PRKCB: variants seen among roughly 807,000 people sequenced by gnomAD.
PRKCB encodes the protein protein kinase C beta type.
A neutral mutation model predicts 81.5 loss-of-function variants in PRKCB; 13 were observed. That is an observed-to-expected ratio of 0.16 (90% CI 0.10 to 0.25). The LOEUF (loss-of-function observed/expected upper bound fraction) is 0.25. Among genes scored for constraint, PRKCB ranks in the 10% least tolerant of loss-of-function variants. The pLI, the probability that PRKCB is intolerant of heterozygous loss-of-function variation, is 1.00. For missense variants in PRKCB, 509 were observed against 875.7 expected, an observed-to-expected ratio of 0.58 and a Z score of 5.29; for synonymous variants, 335 against 321.4, an observed-to-expected ratio of 1.04 and a Z score of -0.45.
Position 24,045,253 on chromosome 16 carries a change from T to C in PRKCB, c.529+9706T>C, listed in dbSNP as rs138593582. 5.9e-5 allele frequency among the ~76,000 whole-genome samples: 9 copies of C among 152,054 alleles called. No homozygotes were observed. The East Asian group carries it at 1.5e-3, about 26-fold the overall frequency. On this transcript the variant is annotated intron_variant, in intron 5 of 16. Transcript: ENST00000643927. ...TGGTTGCTTGAGGAGGGTTGTTGGG[T>C]GGTTCTCAGCTTGAGCAGAGCTGGG...
chr16:24,195,402 A>G (rs80338472), intron 16 of PRKCB, among the ~76,000 whole-genome samples: 3 of 152,002 alleles, frequency 2.0e-5, no homozygotes, highest in Non-Finnish European at 4.4e-5. Flanking sequence ...GCCTTGTGGG[A>G]TGTGAAAAGG....
chr16:23,903,539 A>G (rs1406196051), intron 2 of PRKCB, among the ~76,000 whole-genome samples: 1 of 152,198 alleles, frequency 6.6e-6, no homozygotes, highest in Non-Finnish European at 1.5e-5. Flanking sequence ...GAGAAAGTAA[A>G]TGATTTCTAC....
Position 23,859,782 on chromosome 16 carries a change from AG to A in PRKCB, c.205+22378del, listed in dbSNP as rs112604818. Among the ~76,000 whole-genome samples the A allele has an allele frequency of 9.4e-3, 1,423 of 152,170 alleles. 23 individuals carry two copies. The highest frequency in any genetic ancestry group is 0.033 in the African/African-American group (1,359 of 41,504). On this transcript the variant is annotated intron_variant, in intron 2 of 16. Transcript: ENST00000643927. The stretch of plus-strand genomic sequence containing the variant: ...AATTTGGAGGAGGCAGAGAAAAGGC[AG>A]GAAACTTTAAAAGCAGGAGAGAAAG...
At chr16:23,847,780 T>C (rs527355805) in intron 2 of PRKCB, among the ~76,000 whole-genome samples, 1 of 152,340 alleles carries the variant, frequency 6.6e-6, no homozygotes, top group African/African-American at 2.4e-5. Flanking sequence ...GGTTGCCATA[T>C]GGGCTTTGAA....
chr16:23,941,394 T>A (rs1964139206), intron 2 of PRKCB, among the ~76,000 whole-genome samples: 1 of 152,204 alleles, frequency 6.6e-6, no homozygotes, highest in African/African-American at 2.4e-5. Flanking sequence ...GGACACTGTC[T>A]CACTTCTCTC....
intron 2 of PRKCB, among the ~76,000 whole-genome samples, chr16:23,921,804 A>C (rs1963829392): frequency 6.6e-6 from 1 of 152,154 alleles, no homozygotes; most frequent in Non-Finnish European, 1.5e-5. Context: ...AAAAATAAAT[A>C]AAAAAAGATA....
intron 2 of PRKCB, among the ~76,000 whole-genome samples, chr16:23,947,546 C>T (rs1964218878): frequency 6.6e-6 from 1 of 152,124 alleles, no homozygotes; most frequent in African/African-American, 2.4e-5. Context: ...TTCTGTGAAT[C>T]TGTGATACCA....
chr16:23,926,451 T>C lies in PRKCB; in HGVS notation c.206-62057T>C, dbSNP rs1369575429. Among the ~76,000 whole-genome samples, 2 of 144,760 alleles carry C rather than the reference T, an allele frequency of 1.4e-5. 1 individual carries two copies. The highest frequency in any genetic ancestry group is 1.4e-4 in the Admixed American group (2 of 14,130). The allele number at this position is 144,760 out of a possible 152,430, so 95.0% of individuals were successfully genotyped here. A position where few individuals can be genotyped will look rare whatever the true frequency, so the allele number is the denominator to read the frequency against. ...GTGAGCCGAGATTGCCCCACTGCAC[T>C]CCAGCCTGGGCGACAGAGTGAGACT... On this transcript the variant is annotated intron_variant, in intron 2 of 16. Coordinates refer to ENST00000643927, the MANE Select transcript of PRKCB (RefSeq NM_002738.7).
intron 3 of PRKCB, among the ~76,000 whole-genome samples, chr16:23,995,514 C>A (rs1210241222): frequency 6.6e-6 from 1 of 152,196 alleles, no homozygotes; most frequent in Admixed American, 6.5e-5. Context: ...AGAGACAGCT[C>A]TTGGCCTGCT....
chr16:24,073,114 A>G (rs1026253701), intron 5 of PRKCB, among the ~76,000 whole-genome samples: 2 of 152,150 alleles, frequency 1.3e-5, no homozygotes, highest in African/African-American at 4.8e-5. Context: ...GTGATCTGAT[A>G]ATGAAAAGGT....
At chr16:23,883,302 G>A (rs1463428200) in intron 2 of PRKCB, among the ~76,000 whole-genome samples, 1 of 152,166 alleles carries the variant, frequency 6.6e-6, no homozygotes, top group Non-Finnish European at 1.5e-5. Flanking sequence ...CTACAAGGTG[G>A]GGAGGAGCTA....
rs1030856659 is a variant in PRKCB, at chr16:24,218,288, G to A, written c.*3472G>A. ...ATGCACAGACAATATTAAAGAGGAG[G>A]CATTCGAGCTTTGTTGTGAACACCG... On this transcript the variant is annotated 3_prime_UTR_variant, in exon 17 of 17. Transcript: ENST00000643927. 2.1e-5 allele frequency: 21 copies of A among 985,210 alleles called. No homozygotes were observed. The African/African-American group carries it at 2.3e-4, about 11-fold the overall frequency. The allele number at this position is 985,210 out of a possible 1,614,324, so 61.0% of individuals were successfully genotyped here. A position where few individuals can be genotyped will look rare whatever the true frequency, so the allele number is the denominator to read the frequency against.
chr16:24,103,564 CTTTTA>C (rs1428135848), intron 7 of PRKCB, among the ~76,000 whole-genome samples: 1 of 152,038 alleles, frequency 6.6e-6, no homozygotes, highest in Non-Finnish European at 1.5e-5. Context: ...CTTTTTTCAA[CTTTTA>C]TTTTAGATTC....
At chr16:24,103,718 C>G (rs1174216359) in intron 7 of PRKCB, among the ~76,000 whole-genome samples, 1 of 152,172 alleles carries the variant, frequency 6.6e-6, no homozygotes, top group African/African-American at 2.4e-5. Context: ...CTCCCCTCTC[C>G]CCTCTACAGT....
chr16:23,951,082 T>A (rs1378399511), intron 2 of PRKCB, among the ~76,000 whole-genome samples: 1 of 152,176 alleles, frequency 6.6e-6, no homozygotes, highest in Non-Finnish European at 1.5e-5. Flanking sequence ...AGCTCAGATA[T>A]GCGGCATTAC....
At chr16:24,078,642 A>C (rs1966210637) in intron 5 of PRKCB, among the ~76,000 whole-genome samples, 1 of 152,156 alleles carries the variant, frequency 6.6e-6, no homozygotes, top group Non-Finnish European at 1.5e-5. Flanking sequence ...TGCATCCCCC[A>C]GTGAGATCCA....
At chr16:23,911,246 G>T (rs1405748596) in intron 2 of PRKCB, among the ~76,000 whole-genome samples, 1 of 139,742 alleles carries the variant, frequency 7.2e-6, no homozygotes, top group African/African-American at 2.7e-5. Context: ...TTCCACCTCA[G>T]CTTCCCAGAT....
Position 24,091,272 on chromosome 16 carries a change from ATGAATATAT to A in PRKCB, c.530-1514_530-1506del, listed in dbSNP as rs1026802425. ...TTTTCTTCTTTGATCTATAAATATG[ATGAATATAT>A]TGAAAATAGATTTCCTAAGATTGAA... On this transcript the variant is annotated intron_variant, in intron 5 of 16. Coordinates refer to ENST00000643927, the MANE Select transcript of PRKCB (RefSeq NM_002738.7). 1.2e-4 allele frequency among the ~76,000 whole-genome samples: 19 copies of A among 152,318 alleles called. No homozygotes were observed. The South Asian group carries it at 2.1e-3, about 17-fold the overall frequency.
At chr16:23,839,603 T>C (rs1041713166) in intron 2 of PRKCB, among the ~76,000 whole-genome samples, 7 of 136,088 alleles carry the variant, frequency 5.1e-5, no homozygotes, top group African/African-American at 1.5e-4. Context: ...TGCCTTTCTT[T>C]TTCTCTTCCC....
Sources: gnomAD v4.1 joint callset for allele counts (sites outside exome capture counted in the v4.1 genomes callset) on GRCh38, gnomAD v4.1.1 for gene constraint, MANE v1.5 for transcripts, NCBI Gene and HGNC (gene_info 2026-07-23, HGNC 2026-07-21) for gene names.